Variants in CA10 observed in about 807,000 individuals in gnomAD.
The protein encoded by CA10 is carbonic anhydrase-related protein 10.
In CA10, 14 loss-of-function variants were observed where a neutral mutation model predicts 44.2. The observed-to-expected ratio is 0.32, with a 90% CI of 0.21 to 0.50. The LOEUF (loss-of-function observed/expected upper bound fraction) is 0.50, where lower values mean the gene tolerates loss of function less well. Among genes scored for constraint, CA10 ranks in the 20% least tolerant of loss-of-function variants. The pLI, the probability that CA10 is intolerant of heterozygous loss-of-function variation, is 0.99. For synonymous variants in CA10, 159 were observed against 141.6 expected, an observed-to-expected ratio of 1.12 and a Z score of -0.87; for missense variants, 350 against 409.7, an observed-to-expected ratio of 0.85 and a Z score of 1.26.
intron 4 of CA10, among the ~76,000 whole-genome samples, chr17:51,720,622 A>G (rs1457310799): frequency 6.6e-6 from 1 of 152,220 alleles, no homozygotes; most frequent in African/African-American, 2.4e-5. Flanking sequence ...AACAACATGG[A>G]TGGAACTGGA....
At chr17:51,668,249 A>AGGGAGG (rs1914279244) in intron 4 of CA10, among the ~76,000 whole-genome samples, 1 of 152,226 alleles carries the variant, frequency 6.6e-6, no homozygotes, top group Non-Finnish European at 1.5e-5. Context: ...ATGCCATGCC[A>AGGGAGG]GCTACTGTAC....
chr17:51,845,678 T>C (rs1422704870), intron 3 of CA10, among the ~76,000 whole-genome samples: 1 of 152,240 alleles, frequency 6.6e-6, no homozygotes, highest in Non-Finnish European at 1.5e-5. Context: ...CCTAAGGCTC[T>C]GATAACTTTT....
intron 4 of CA10, among the ~76,000 whole-genome samples, chr17:51,745,230 G>T (rs759181384): frequency 3.3e-5 from 5 of 151,954 alleles, no homozygotes; most frequent in Non-Finnish European, 5.9e-5. Flanking sequence ...TAATTCAGGC[G>T]GAGTTTCACC....
chr17:51,689,071 A>G (rs1210280208), intron 4 of CA10, among the ~76,000 whole-genome samples: 5 of 152,188 alleles, frequency 3.3e-5, no homozygotes, highest in African/African-American at 7.2e-5. Context: ...TCAGCTCCCA[A>G]TGTGGTGCTC....
intron 3 of CA10, among the ~76,000 whole-genome samples, chr17:51,846,738 T>C (rs957549594): frequency 1.3e-5 from 2 of 152,208 alleles, no homozygotes; most frequent in East Asian, 1.9e-4. Flanking sequence ...TTTAAGCAAA[T>C]CATGCAAGTC....
rs574688719 is a variant in CA10 at position 51,789,516 on chromosome 17, A to C, written c.280-41698T>G. 1.1e-4 allele frequency among the ~76,000 whole-genome samples: 17 copies of C among 152,232 alleles called. No homozygotes were observed. The East Asian group carries it at 3.3e-3, about 29-fold the overall frequency. On this transcript the variant is annotated intron_variant, in intron 3 of 8. Transcript: ENST00000451037. ...TCCAAGGCCACCTCCTTTGCATGCA[A>C]CACTCTAGCACATGCTGCATGGTTT... is the stretch of plus-strand genomic sequence containing the variant.
intron 3 of CA10, among the ~76,000 whole-genome samples, chr17:51,892,966 T>C (rs948092051): frequency 3.3e-5 from 5 of 152,166 alleles, no homozygotes; most frequent in East Asian, 1.9e-4. Context: ...TATGGCTTTA[T>C]TTTTCATTAC....
chr17:52,069,956 C>G (rs1987637035), intron 2 of CA10, among the ~76,000 whole-genome samples: 1 of 152,178 alleles, frequency 6.6e-6, no homozygotes, highest in Non-Finnish European at 1.5e-5. Context: ...GAAGAACACT[C>G]TTAACTTTAT....
At chr17:51,976,756 GA>G (rs921552125) in intron 2 of CA10, among the ~76,000 whole-genome samples, 3 of 149,858 alleles carry the variant, frequency 2.0e-5, no homozygotes, top group Non-Finnish European at 4.4e-5. Context: ...AAATGAGAGT[GA>G]AAAAAAGACA....
chr17:51,999,401 A>C (rs1447761595), intron 2 of CA10, among the ~76,000 whole-genome samples: 1 of 151,994 alleles, frequency 6.6e-6, no homozygotes. Context: ...TGCAGTTCCG[A>C]GTTAGTGTGG....
intron 3 of CA10, among the ~76,000 whole-genome samples, chr17:51,907,491 T>C (rs1981607280): frequency 6.6e-6 from 1 of 152,164 alleles, no homozygotes; most frequent in African/African-American, 2.4e-5. Context: ...TATATATATC[T>C]ACGTACTTTA....
chr17:51,886,963 T>C (rs1049134299), intron 3 of CA10, among the ~76,000 whole-genome samples: 29 of 152,122 alleles, frequency 1.9e-4, no homozygotes, highest in Non-Finnish European at 3.1e-4. Flanking sequence ...GCTCCCCCTG[T>C]GCACCCTGCT....
rs560077431 is a variant in CA10 at position 51,949,293 on chromosome 17, TTAAC to T, written c.137-18165_137-18162del. ...GCTACTGCATCTAAAATTTAACTTT[TTAAC>T]TAAATATAACTAAAACCAACTCACA... On this transcript the variant is annotated intron_variant, in intron 2 of 8. Coordinates refer to ENST00000451037, the MANE Select transcript of CA10 (RefSeq NM_020178.5). 8.1e-3 allele frequency among the ~76,000 whole-genome samples: 1,238 copies of T among 152,294 alleles called. 9 individuals carry two copies. Among genetic ancestry groups the T allele is most frequent in the Non-Finnish European group, 0.014 (925 of 68,022 alleles).
At chr17:51,959,282 C>CTCTGTG (rs748461115) in intron 2 of CA10, among the ~76,000 whole-genome samples, 2,741 of 134,248 alleles carry the variant, frequency 0.02, 33 homozygotes, top group South Asian at 0.028. Flanking sequence ...CTCTCTCTCT[C>CTCTGTG]TGTGTGTGTG....
intron 4 of CA10, among the ~76,000 whole-genome samples, chr17:51,695,840 T>C (rs1915384893): frequency 1.3e-5 from 2 of 152,184 alleles, no homozygotes; most frequent in African/African-American, 4.8e-5. Flanking sequence ...GTATGTTTCT[T>C]TGATGTCTTG....
intron 2 of CA10, among the ~76,000 whole-genome samples, chr17:51,934,626 C>G (rs1472663091): frequency 6.6e-6 from 1 of 151,984 alleles, no homozygotes; most frequent in African/African-American, 2.4e-5. Context: ...ATAGAAGGGC[C>G]TGGGTGTGAA....
intron 4 of CA10, among the ~76,000 whole-genome samples, chr17:51,695,699 GTGTTGAATA>G (rs1915380401): frequency 1.3e-5 from 2 of 152,028 alleles, no homozygotes; most frequent in South Asian, 4.1e-4. Context: ...TTCCAGTACT[GTGTTGAATA>G]GAAGTAGTGA....
chr17:52,113,962 T>G lies in CA10; in HGVS notation c.62-41569A>C, dbSNP rs77680977. Among the ~76,000 whole-genome samples, 724 of 152,262 alleles carry G rather than the reference T, an allele frequency of 4.8e-3. 2 individuals carry two copies. The highest frequency in any genetic ancestry group is 0.017 in the Middle Eastern group (5 of 294). The stretch of plus-strand genomic sequence containing the variant: ...AGTCTTAGAAGAAGGCATGCTCCTG[T>G]AGCAAAAACAGGAGGATGGGATGGG... On this transcript the variant is annotated intron_variant, in intron 1 of 8. Coordinates refer to ENST00000451037, the MANE Select transcript of CA10 (RefSeq NM_020178.5).
rs183797215 is a variant in CA10 at position 52,040,292 on chromosome 17, T to C, written c.136+32027A>G. Among the ~76,000 whole-genome samples the C allele has an allele frequency of 7.1e-3, 1,064 of 150,496 alleles. 13 individuals carry two copies. Among genetic ancestry groups the C allele is most frequent in the African/African-American group, 0.022 (915 of 41,438 alleles). On this transcript the variant is annotated intron_variant, in intron 2 of 8. Transcript: ENST00000451037. ...TCAGGTTCCATAAATATCTGCTCTA[T>C]TTATGAGTGCTCATGTTTGTTTTCC...
Sources: gnomAD v4.1 joint callset for allele counts (sites outside exome capture counted in the v4.1 genomes callset) on GRCh38, gnomAD v4.1.1 for gene constraint, MANE v1.5 for transcripts, NCBI Gene and HGNC (gene_info 2026-07-23, HGNC 2026-07-21) for gene names.